Variants in DPH6 observed in about 807,000 individuals in gnomAD.
DPH6 encodes the protein diphthine--ammonia ligase.
In DPH6, 33 loss-of-function variants were observed where a neutral mutation model predicts 38.2. The ratio of observed to expected loss-of-function variants is 0.86; its 90% CI spans 0.65 to 1.15. The LOEUF is 1.15. Among genes scored for constraint, DPH6 ranks in the 50% most tolerant of loss-of-function variants. DPH6 has a pLI of 0.00. For synonymous variants in DPH6, 108 were observed against 103.0 expected (o/e 1.05, Z -0.30); for missense variants, 325 against 320.0 (o/e 1.02, Z -0.12).
the DPH6 span, among the ~76,000 whole-genome samples, chr15:35,155,243 T>A: frequency 6.9e-6 from 1 of 145,714 alleles, no homozygotes; most frequent in Non-Finnish European, 1.5e-5. Context: ...AAACTCCTTA[T>A]AACTGAAACA....
chr15:35,464,307 A>AAG (rs2054101936), intron 3 of DPH6, among the ~76,000 whole-genome samples: 1 of 151,772 alleles, frequency 6.6e-6, no homozygotes, highest in Non-Finnish European at 1.5e-5. Flanking sequence ...AAAAAAAAAA[A>AAG]TAAGGCAAAT....
the DPH6 span, among the ~76,000 whole-genome samples, chr15:35,146,078 TG>T: frequency 1.1e-5 from 1 of 87,560 alleles, no homozygotes; most frequent in African/African-American, 3.7e-5. Flanking sequence ...TCTGTGTGTG[TG>T]TGTGTGTGTG....
chr15:35,154,855 C>T, the DPH6 span, among the ~76,000 whole-genome samples: 1 of 152,074 alleles, frequency 6.6e-6, no homozygotes, highest in East Asian at 1.9e-4. Flanking sequence ...ATATCACAGC[C>T]TGTAGATGAT....
At chr15:35,148,408 A>C in the DPH6 span, among the ~76,000 whole-genome samples, 1 of 152,308 alleles carries the variant, frequency 6.6e-6, no homozygotes, top group African/African-American at 2.4e-5. Flanking sequence ...ATATAGACTG[A>C]ATATAGGTTG....
chr15:35,249,204 C>CT (rs1236374240), intron 3 of DPH6, among the ~76,000 whole-genome samples: 1 of 152,160 alleles, frequency 6.6e-6, no homozygotes, highest in Non-Finnish European at 1.5e-5. Context: ...ATGAAAGTTC[C>CT]TGACATGGCC....
At chr15:35,159,680 T>C in the DPH6 span, among the ~76,000 whole-genome samples, 2 of 152,108 alleles carry the variant, frequency 1.3e-5, no homozygotes, top group African/African-American at 4.8e-5. Context: ...AGAACTACCA[T>C]TCGACTCAGC....
At chr15:35,301,397 T>TA (rs1431170259) in intron 3 of DPH6, among the ~76,000 whole-genome samples, 7 of 152,230 alleles carry the variant, frequency 4.6e-5, no homozygotes, top group African/African-American at 9.6e-5. Context: ...AGTCAGGTGG[T>TA]AAAATACGAA....
intron 3 of DPH6, among the ~76,000 whole-genome samples, chr15:35,272,459 C>T (rs866704949): frequency 6.6e-6 from 1 of 152,082 alleles, no homozygotes; most frequent in Non-Finnish European, 1.5e-5. Flanking sequence ...ATGTTTGTGC[C>T]TTGAAATCTC....
chr15:35,544,922 G>T (rs2055321702), intron 1 of DPH6, among the ~76,000 whole-genome samples: 1 of 152,142 alleles, frequency 6.6e-6, no homozygotes, highest in African/African-American at 2.4e-5. Flanking sequence ...CTTAAAATAA[G>T]ACACAATGGT....
chr15:35,427,022 A>G (rs758444323), intron 5 of DPH6, among the ~76,000 whole-genome samples: 1 of 69,258 alleles, frequency 1.4e-5, no homozygotes, highest in Non-Finnish European at 2.6e-5. Context: ...AAAAAAAGAT[A>G]AAAAAAAAGA....
At position 35,346,919 on chromosome 15, in the gene DPH6, T is replaced by C. The variant is rs551916423; in HGVS notation, n.208-15842A>G. On this transcript the variant is annotated intron_variant and non_coding_transcript_variant, in intron 3 of 3. Transcript: ENST00000558973. ...CTCACATATTTTAAGATTTTCTAGC[T>C]AGCTTTTTTATTGTGGTAAAAAATG... Among the ~76,000 whole-genome samples the C allele has an allele frequency of 3.9e-5, 6 of 152,308 alleles. No individual in the cohort carries two copies. The East Asian group carries it at 9.6e-4, about 24-fold the overall frequency.
chr15:35,214,071 C>G (rs151235092), downstream of DPH6, among the ~76,000 whole-genome samples: 1 of 150,464 alleles, frequency 6.6e-6, no homozygotes, highest in African/African-American at 2.5e-5. Context: ...GAGATTGCGC[C>G]ACTGCACTCC....
At chr15:35,511,265 T>C (rs1174248577) in intron 3 of DPH6, among the ~76,000 whole-genome samples, 1 of 152,000 alleles carries the variant, frequency 6.6e-6, no homozygotes, top group Non-Finnish European at 1.5e-5. Context: ...CCAGTGCTCA[T>C]AAAAAGACAT....
intron 3 of DPH6, among the ~76,000 whole-genome samples, chr15:35,238,639 C>G (rs1261874817): frequency 3.3e-5 from 5 of 152,222 alleles, no homozygotes; most frequent in Non-Finnish European, 1.5e-5. Flanking sequence ...TGTCAGGCCT[C>G]TTAGCCCAAG....
chr15:35,205,044 G>C, the DPH6 span, among the ~76,000 whole-genome samples: 2 of 151,928 alleles, frequency 1.3e-5, no homozygotes, highest in Middle Eastern at 3.4e-3. Flanking sequence ...AATTCTTCCT[G>C]AATTCTATTG....
At chr15:35,358,433 A>AT (rs1161765064) in intron 3 of DPH6, among the ~76,000 whole-genome samples, 3 of 151,938 alleles carry the variant, frequency 2.0e-5, no homozygotes, top group Non-Finnish European at 2.9e-5. Flanking sequence ...AACTAGTATG[A>AT]TTTTTTTGGA....
the DPH6 span, among the ~76,000 whole-genome samples, chr15:35,178,204 A>C: frequency 6.6e-6 from 1 of 152,208 alleles, no homozygotes; most frequent in Non-Finnish European, 1.5e-5. Flanking sequence ...ATAATTCTTC[A>C]AAAAATAACT....
At chr15:35,358,992 G>A (rs956372108) in intron 3 of DPH6, among the ~76,000 whole-genome samples, 3 of 152,086 alleles carry the variant, frequency 2.0e-5, no homozygotes, top group African/African-American at 7.2e-5. Context: ...GGGTAGGGAA[G>A]GACCATTAGG....
chr15:35,343,735 G>C (rs2052440721), intron 3 of DPH6, among the ~76,000 whole-genome samples: 1 of 151,958 alleles, frequency 6.6e-6, no homozygotes, highest in South Asian at 2.1e-4. Context: ...ACACTGTACT[G>C]TTAGCAGTCA....
Sources: allele counts gnomAD v4.1 joint callset (sites outside exome capture counted in the v4.1 genomes callset), GRCh38; gene constraint gnomAD v4.1.1; transcripts MANE v1.5; gene names NCBI Gene and HGNC (gene_info 2026-07-23, HGNC 2026-07-21).